RAPGEF4: variants seen among roughly 807,000 people sequenced by gnomAD.
RAPGEF4 encodes the protein RAP guanine-nucleotide-exchange factor (GEF) 4.
A neutral mutation model predicts 147.9 loss-of-function variants in RAPGEF4; 66 were observed. The observed-to-expected ratio is 0.45, with a 90% CI of 0.37 to 0.55. The LOEUF is 0.55. Ranked by LOEUF, RAPGEF4 falls within the 20% of genes least tolerant of loss-of-function variation. The pLI is 0.00. For synonymous variants in RAPGEF4, 419 were observed against 442.7 expected, an observed-to-expected ratio of 0.95 and a Z score of 0.67; for missense variants, 1,071 against 1,257.3, an observed-to-expected ratio of 0.85 and a Z score of 2.24.
At chr2:172,873,933 A>T (rs1274705311) in intron 4 of RAPGEF4, among the ~76,000 whole-genome samples, 4 of 152,352 alleles carry the variant, frequency 2.6e-5, no homozygotes, top group East Asian at 1.9e-4. Flanking sequence ...TGCGGCCAAC[A>T]AACATATGAA....
intron 6 of RAPGEF4, among the ~76,000 whole-genome samples, chr2:172,954,658 A>G (rs1199270731): frequency 6.6e-6 from 1 of 152,206 alleles, no homozygotes; most frequent in East Asian, 1.9e-4. Context: ...GACATTGATG[A>G]TAACTATTAC....
intron 1 of RAPGEF4, among the ~76,000 whole-genome samples, chr2:172,754,965 C>G (rs1434348744): frequency 6.6e-6 from 1 of 152,084 alleles, no homozygotes; most frequent in Non-Finnish European, 1.5e-5. Context: ...ATGGCATGAA[C>G]CCAGGATGCA....
chr2:172,751,675 G>A (rs1018417030), intron 1 of RAPGEF4, among the ~76,000 whole-genome samples: 1 of 152,146 alleles, frequency 6.6e-6, no homozygotes, highest in African/African-American at 2.4e-5. Context: ...TGAACTGAGA[G>A]GTCACCTAGT....
At chr2:173,017,019 G>A (rs1695566390) in intron 19 of RAPGEF4, among the ~76,000 whole-genome samples, 155 bp from the exon 20 acceptor site, 1 of 152,192 alleles carries the variant, frequency 6.6e-6, no homozygotes, top group South Asian at 2.1e-4. Context: ...CTTCTGCTTT[G>A]ATCTATTACT....
chr2:172,988,290 T>A lies in RAPGEF4; in HGVS notation c.1227+18T>A, dbSNP rs749531144. The A allele has an allele frequency of 1.6e-5, 26 of 1,596,546 alleles. 1 individual carries two copies. The Middle Eastern group carries it at 6.9e-4, about 42-fold the overall frequency. On this transcript the variant is annotated intron_variant, in intron 13 of 30. Transcript: ENST00000397081. ...ACGGCAAGGTATATATATCTTTTTC[T>A]TTTTGAAACTTTATTACGCTCCACT... is the stretch of plus-strand genomic sequence containing the variant.
intron 17 of RAPGEF4, among the ~76,000 whole-genome samples, chr2:173,011,707 ATAAT>A (rs1291147393): frequency 1.3e-5 from 2 of 152,204 alleles, no homozygotes. Flanking sequence ...CGGTTAATTA[ATAAT>A]TAGTGAATCA....
chr2:172,793,700 A>G (rs984978186), intron 1 of RAPGEF4, among the ~76,000 whole-genome samples: 3 of 152,244 alleles, frequency 2.0e-5, no homozygotes, highest in African/African-American at 7.2e-5. Flanking sequence ...AAAGAAAAAA[A>G]TAGTTTATGT....
intron 1 of RAPGEF4, among the ~76,000 whole-genome samples, chr2:172,740,571 A>C (rs1258000966): frequency 6.6e-6 from 1 of 152,226 alleles, no homozygotes; most frequent in Non-Finnish European, 1.5e-5. Flanking sequence ...TTAAGAACCA[A>C]AATGCTTTGT....
chr2:172,893,228 G>C (rs1698124395), intron 4 of RAPGEF4, among the ~76,000 whole-genome samples: 1 of 152,238 alleles, frequency 6.6e-6, no homozygotes. Context: ...ATGAGAGCCA[G>C]TGGGACAGAG....
At chr2:172,846,073 C>A (rs576520509) in intron 4 of RAPGEF4, among the ~76,000 whole-genome samples, 1 of 152,324 alleles carries the variant, frequency 6.6e-6, no homozygotes, top group African/African-American at 2.4e-5. Flanking sequence ...CTTTGCAAAT[C>A]TTTTTAAACC....
chr2:172,846,271 C>T (rs1322119899), intron 4 of RAPGEF4, among the ~76,000 whole-genome samples: 1 of 152,162 alleles, frequency 6.6e-6, no homozygotes, highest in African/African-American at 2.4e-5. Flanking sequence ...TCCCAAGCAA[C>T]CAGTGGCCTA....
intron 1 of RAPGEF4, among the ~76,000 whole-genome samples, chr2:172,756,045 C>T (rs1695743478): frequency 6.6e-6 from 1 of 152,200 alleles, no homozygotes; most frequent in Non-Finnish European, 1.5e-5. Flanking sequence ...TCAATAAAAA[C>T]TAGTTTTTTA....
chr2:172,959,279 T>C (rs1286272953), intron 6 of RAPGEF4, among the ~76,000 whole-genome samples: 2 of 152,242 alleles, frequency 1.3e-5, no homozygotes, highest in African/African-American at 4.8e-5. Flanking sequence ...TTTCTCCTTT[T>C]CCATCTTCTG....
At chr2:172,843,439 A>G (rs181300839) in intron 4 of RAPGEF4, among the ~76,000 whole-genome samples, 2 of 152,232 alleles carry the variant, frequency 1.3e-5, no homozygotes, top group African/African-American at 2.4e-5. Context: ...CAGATAAAGG[A>G]CATAATTGAT....
rs1357929129 is a variant in RAPGEF4 at position 173,036,784 on chromosome 2, C to T, written c.2853+92C>T. The T allele has an allele frequency of 1.8e-5, 16 of 866,996 alleles. No individual in the cohort carries two copies. In the East Asian group the frequency reaches 3.1e-4, roughly 17 times the overall value. The allele number at this position is 866,996 out of a possible 1,614,324, so 53.7% of individuals were successfully genotyped here. On this transcript the variant is annotated intron_variant, in intron 29 of 30. Coordinates refer to ENST00000397081, the MANE Select transcript of RAPGEF4 (RefSeq NM_007023.4). ...AAGGAAATAATTTCCATATATGCTG[C>T]CCTGCTAAAAAGGTAGTTACACATA...
In RAPGEF4 at chr2:172,961,221, A is replaced by G. The variant is rs766905283; in HGVS notation, c.691A>G (p.Thr231Ala). The change falls in exon 8 of 31, where the codon ACA (threonine) becomes GCA (alanine). Residue 231 changes from threonine (T) to alanine (A), a missense_variant. Coordinates refer to ENST00000397081, the MANE Select transcript of RAPGEF4 (RefSeq NM_007023.4). ...AAGAGATAGAAAATACCACCTAAAG[A>G]CATACAGGTATGTGTGCTAATTCTA... ...MIRDRKYHLK[T>A]YRQCCVGTEL... The G allele has an allele frequency of 3.3e-5, 52 of 1,585,878 alleles. No homozygotes were observed. The highest frequency in any genetic ancestry group is 4.0e-5 in the Non-Finnish European group (46 of 1,154,418).
At chr2:172,866,304 C>T (rs1694639824) in intron 4 of RAPGEF4, among the ~76,000 whole-genome samples, 1 of 152,300 alleles carries the variant, frequency 6.6e-6, no homozygotes, top group Admixed American at 6.5e-5. Flanking sequence ...AGCTGGCTAC[C>T]TAAAGTCATC....
chr2:172,952,713 A>G (rs138294965), intron 6 of RAPGEF4, among the ~76,000 whole-genome samples: 279 of 152,332 alleles, frequency 1.8e-3, no homozygotes, highest in African/African-American at 6.4e-3. Context: ...TTACCATTTT[A>G]TTTTTTGCCT....
intron 4 of RAPGEF4, among the ~76,000 whole-genome samples, chr2:172,873,623 A>G (rs1026074566): frequency 3.9e-5 from 6 of 152,226 alleles, no homozygotes; most frequent in Non-Finnish European, 5.9e-5. Context: ...TGAGTTTATC[A>G]GGACATAGGC....
Sources: gnomAD v4.1 joint callset for allele counts (sites outside exome capture counted in the v4.1 genomes callset) on GRCh38, gnomAD v4.1.1 for gene constraint, MANE v1.5 for transcripts, NCBI Gene and HGNC (gene_info 2026-07-23, HGNC 2026-07-21) for gene names.